Variants in HACD4 observed in about 807,000 individuals in gnomAD.
HACD4 encodes the protein very-long-chain (3R)-3-hydroxyacyl-CoA dehydratase 4.
Under a neutral mutation model 33.3 loss-of-function variants are expected in HACD4, and 35 were observed. The observed-to-expected ratio is 1.05, with a 90% CI of 0.80 to 1.39. The LOEUF (loss-of-function observed/expected upper bound fraction) is 1.39, where lower values mean the gene tolerates loss of function less well. Among genes scored for constraint, HACD4 ranks in the 40% most tolerant of loss-of-function variants. HACD4 has a pLI of 0.00. For synonymous variants in HACD4, 118 were observed against 98.0 expected, an observed-to-expected ratio of 1.20 and a Z score of -1.21; for missense variants, 323 against 276.5, an observed-to-expected ratio of 1.17 and a Z score of -1.19.
rs1842236118 is a variant in HACD4 at position 21,005,031 on chromosome 9, A to C, written c.*2006T>G. The C allele has an allele frequency of 6.6e-6, 1 of 152,212 alleles. No individual in the cohort carries two copies. Among genetic ancestry groups the C allele is most frequent in the African/African-American group, 2.4e-5 (1 of 41,450 alleles). The allele number at this position is 152,212 out of a possible 1,614,324, so 9.4% of individuals were successfully genotyped here. A position where few individuals can be genotyped will look rare whatever the true frequency, so the allele number is the denominator to read the frequency against. On this transcript the variant is annotated 3_prime_UTR_variant, in exon 7 of 7. Coordinates refer to ENST00000495827, the MANE Select transcript of HACD4 (RefSeq NM_001010915.5). This position sits in a 1 kb window ranked among gnomAD's most constrained non-coding sequence, Gnocchi z 4.0. Reference sequence around the variant, plus strand: ...GAAGATAATGTTGGTAGACATGGACAATAAAGGCCATTCTGATGAAGTCTC... The same window carrying C: ...GAAGATAATGTTGGTAGACATGGACCATAAAGGCCATTCTGATGAAGTCTC...
At chr9:21,028,797 G>T (rs1217782891) in intron 2 of HACD4, among the ~76,000 whole-genome samples, 1 of 152,156 alleles carries the variant, frequency 6.6e-6, no homozygotes, top group Non-Finnish European at 1.5e-5. Context: ...TAAGTGGTTA[G>T]CCCTCTACAA....
rs759884606 is a variant in HACD4 at position 21,002,222 on chromosome 9, A to G, written c.*4815T>C. On this transcript the variant is annotated 3_prime_UTR_variant, in exon 7 of 7. Transcript: ENST00000495827. ...ACCACAAAGAAAACAGCTACAGAATATACACAAAAGAACTGAGAAAGATAC... is the reference window on the plus strand; with the variant it reads ...ACCACAAAGAAAACAGCTACAGAATGTACACAAAAGAACTGAGAAAGATAC... 7.2e-5 allele frequency: 11 copies of G among 152,140 alleles called. No homozygotes were observed. Among genetic ancestry groups the G allele is most frequent in the Non-Finnish European group, 5.9e-5 (4 of 67,994 alleles). 9.4% of individuals were successfully genotyped at this position (152,140 alleles called of 1,614,324 possible). A position where few individuals can be genotyped will look rare whatever the true frequency, so the allele number is the denominator to read the frequency against.
chr9:21,023,547 A>G (rs1401557940), intron 3 of HACD4, among the ~76,000 whole-genome samples: 1 of 151,598 alleles, frequency 6.6e-6, no homozygotes, highest in African/African-American at 2.4e-5. Context: ...GTTCCCCCCA[A>G]GAAGAATTCA....
At chr9:21,023,185 A>C (rs1477688728) in intron 3 of HACD4, among the ~76,000 whole-genome samples, 2 of 129,746 alleles carry the variant, frequency 1.5e-5, no homozygotes. Flanking sequence ...ACTTGGACAC[A>C]GGAAGGGGAA....
chr9:21,029,338 C>A lies in HACD4; in HGVS notation c.99G>T (p.Trp33Cys), dbSNP rs1400101193. ...ATCTGACTGTCATATTTGTAAATAT[C>A]CAAGAGTGGCCACAGAACTGGATTA... ...YYLIQFCGHS[W>C]IFTNMTVRFF... is the part of the protein sequence containing the mutation. Residue 33 changes from tryptophan (W) to cysteine (C), a missense_variant, in exon 2 of 7, where the codon TGG becomes TGT. Coordinates refer to ENST00000495827, the MANE Select transcript of HACD4 (RefSeq NM_001010915.5). The A allele has an allele frequency of 2.5e-6, 4 of 1,601,538 alleles. No individual in the cohort carries two copies. The Admixed American group carries it at 5.0e-5, about 20-fold the overall frequency.
intron 3 of HACD4, among the ~76,000 whole-genome samples, chr9:21,020,220 G>T (rs1817872390): frequency 7.3e-6 from 1 of 136,640 alleles, no homozygotes; most frequent in South Asian, 2.3e-4. Context: ...AATAGTGCAG[G>T]AGTGTTTATT....
chr9:21,020,004 G>A (rs1486504526), intron 3 of HACD4, among the ~76,000 whole-genome samples: 1 of 152,058 alleles, frequency 6.6e-6, no homozygotes, highest in African/African-American at 2.4e-5. Context: ...TTAAGAGTAT[G>A]TGACTGTGAA....
At chr9:21,029,270 T>TA in intron 2 of HACD4, 25 bp downstream of exon 2, 14 of 1,346,508 alleles carry the variant, frequency 1.0e-5, no homozygotes, top group Non-Finnish European at 1.4e-5. Context: ...AAGTTAAAAA[T>TA]AAAAAAACTG....
chr9:21,012,109 A>T (rs1842450928), intron 4 of HACD4, among the ~76,000 whole-genome samples: 1 of 152,208 alleles, frequency 6.6e-6, no homozygotes, highest in Admixed American at 6.5e-5. Flanking sequence ...TTTATTTGGC[A>T]TCCTTCTGCT....
intron 3 of HACD4, 121 bp downstream of exon 3, chr9:21,026,475 T>C: frequency 1.3e-6 from 1 of 756,856 alleles, no homozygotes; most frequent in South Asian, 1.9e-5. Context: ...AAATTAATTC[T>C]CCTTATCAGT....
At chr9:21,026,377 G>A (rs1313442590) in intron 3 of HACD4, among the ~76,000 whole-genome samples, 3 of 152,210 alleles carry the variant, frequency 2.0e-5, no homozygotes, top group Middle Eastern at 3.2e-3. Context: ...CCAATGCAGT[G>A]CTGCAAGATC....
rs556027508 is a variant in HACD4, at chr9:21,026,486, G to A, written c.270+110C>T. 797 of 822,680 alleles carry A rather than the reference G, an allele frequency of 9.7e-4. 10 individuals carry two copies. The South Asian group carries it at 0.013, about 14-fold the overall frequency. 51.0% of individuals were successfully genotyped at this position (822,680 alleles called of 1,614,324 possible). A position where few individuals can be genotyped will look rare whatever the true frequency, so the allele number is the denominator to read the frequency against. On this transcript the variant is annotated intron_variant, in intron 3 of 6. Transcript: ENST00000495827. ...CATGAAATTAATTCTCCTTATCAGT[G>A]ACCTAAGACAAGGGTTGGCTTTCTA...
chr9:21,008,174 G>C, intron 5 of HACD4, 28 bp from the exon 6 acceptor site: 1 of 1,586,630 alleles, frequency 6.3e-7, no homozygotes. Flanking sequence ...CATCATAAAG[G>C]TATTCCTCCT....
Position 21,008,022 on chromosome 9 carries a change from T to C in HACD4, c.615A>G (p.Ile205Met). Residue 205 changes from isoleucine to methionine, a missense_variant and splice_region_variant, in exon 6 of 7, where the codon ATA (isoleucine) becomes ATG (methionine). Ile to Met is a conservative substitution (Grantham distance 10). Coordinates refer to ENST00000495827, the MANE Select transcript of HACD4 (RefSeq NM_001010915.5). ...AACAAGACCAAAAAAGCCACTTACC[T>C]ATAAAGAGCATCATGAGATATATTT... ...VLKIYLMMLFIGMYFTYSHLY... is the reference protein window; with the variant it reads ...VLKIYLMMLFMGMYFTYSHLY... 1.3e-6 allele frequency: 2 copies of C among 1,594,504 alleles called. No homozygotes were observed. The highest frequency in any genetic ancestry group is 1.7e-6 in the Non-Finnish European group (2 of 1,172,134).
In HACD4 at chr9:21,031,624, A is replaced by G. The variant is rs1406278207; in HGVS notation, c.-34T>C. Reference sequence around the variant, plus strand: ...GCCGCCAGGGCTTCCAGCGCGGTCCAGGAAGGAGTACCGGGGAGGAGGCAG... The same window carrying G: ...GCCGCCAGGGCTTCCAGCGCGGTCCGGGAAGGAGTACCGGGGAGGAGGCAG... On this transcript the variant is annotated 5_prime_UTR_variant, in exon 1 of 7. Coordinates refer to ENST00000495827, the MANE Select transcript of HACD4 (RefSeq NM_001010915.5). The G allele has an allele frequency of 5.8e-6, 8 of 1,379,596 alleles. No homozygotes were observed. The highest frequency in any genetic ancestry group is 6.5e-6 in the Non-Finnish European group (7 of 1,071,556). The allele number at this position is 1,379,596 out of a possible 1,614,324, so 85.5% of individuals were successfully genotyped here.
chr9:21,010,456 A>ACCC lies in HACD4; in HGVS notation c.490+1130_490+1132dup, dbSNP rs57375934. On this transcript the variant is annotated intron_variant, in intron 5 of 6. Transcript: ENST00000495827. ...AAGAAACAGACTCAGACATCCTGGT[A>ACCC]CCCCCCCCCCCCCCAGAGCTTACAG... Among the ~76,000 whole-genome samples, 171 of 104,422 alleles carry ACCC rather than the reference A, an allele frequency of 1.6e-3. 7 individuals carry two copies. Among genetic ancestry groups the ACCC allele is most frequent in the South Asian group, 4.0e-3 (12 of 3,010 alleles). 68.5% of individuals were successfully genotyped at this position (104,422 alleles called of 152,430 possible). A position where few individuals can be genotyped will look rare whatever the true frequency, so the allele number is the denominator to read the frequency against.
chr9:21,013,200 A>G (rs1464726594), intron 4 of HACD4, among the ~76,000 whole-genome samples: 1 of 151,938 alleles, frequency 6.6e-6, no homozygotes, highest in African/African-American at 2.4e-5. Context: ...AGAGTTTCAT[A>G]GTTTTCCACT....
rs531520274 is a variant in HACD4 at position 21,003,649 on chromosome 9, T to A, written c.*3388A>T. On this transcript the variant is annotated 3_prime_UTR_variant, in exon 7 of 7. Coordinates refer to ENST00000495827, the MANE Select transcript of HACD4 (RefSeq NM_001010915.5). ...TTAAAATTACATTTTTATTATCCTA[T>A]TCTTACATCACAATATATTTAATAC... is the stretch of plus-strand genomic sequence containing the variant. 4 of 152,294 alleles carry A rather than the reference T, an allele frequency of 2.6e-5. No individual in the cohort carries two copies. In the East Asian group the frequency reaches 7.7e-4, roughly 29 times the overall value. 9.4% of individuals were successfully genotyped at this position (152,294 alleles called of 1,614,324 possible).
At chr9:21,016,440 G>A (rs186420262) in intron 3 of HACD4, among the ~76,000 whole-genome samples, 10 of 152,300 alleles carry the variant, frequency 6.6e-5, no homozygotes, top group South Asian at 2.1e-4. Context: ...ACAGGTGAGC[G>A]AGATACTTTC....
Sources: allele counts gnomAD v4.1 joint callset (sites outside exome capture counted in the v4.1 genomes callset), GRCh38; gene constraint gnomAD v4.1.1; non-coding constraint Gnocchi (gnomAD v3.1); transcripts MANE v1.5; gene names NCBI Gene and HGNC (gene_info 2026-07-23, HGNC 2026-07-21).